Variants in WFDC1 observed in about 807,000 individuals in gnomAD.
WFDC1 encodes the protein WAP four-disulfide core domain 1, also known as WAP four-disulfide core domain protein 1.
Under a neutral mutation model 32.9 loss-of-function variants are expected in WFDC1, and 39 were observed. The observed-to-expected ratio is 1.19, with a 90% CI of 0.92 to 1.55. The LOEUF is 1.55. Ranked by LOEUF, WFDC1 falls within the 40% of genes most tolerant of loss-of-function variation. The pLI, the probability that WFDC1 is intolerant of heterozygous loss-of-function variation, is 0.00. For synonymous variants in WFDC1, 184 were observed against 137.4 expected, an observed-to-expected ratio of 1.34 and a Z score of -2.37; for missense variants, 386 against 309.5, an observed-to-expected ratio of 1.25 and a Z score of -1.85.
intron 1 of WFDC1, among the ~76,000 whole-genome samples, chr16:84,301,432 C>T (rs1906927091): frequency 1.3e-5 from 2 of 152,154 alleles, no homozygotes; most frequent in Non-Finnish European, 2.9e-5. Context: ...ACAAGTGGGG[C>T]TATCACTATA....
At chr16:84,322,748 A>T (rs1261489098) in intron 4 of WFDC1, among the ~76,000 whole-genome samples, 1 of 152,244 alleles carries the variant, frequency 6.6e-6, no homozygotes, top group East Asian at 1.9e-4. Context: ...AGGAAAATGA[A>T]CACTGACATG....
chr16:84,322,589 A>T (rs1247099310), intron 4 of WFDC1, among the ~76,000 whole-genome samples: 1 of 152,108 alleles, frequency 6.6e-6, no homozygotes, highest in East Asian at 1.9e-4. Context: ...ATTTTTCTGG[A>T]CCATTTGAGA....
chr16:84,302,240 C>T (rs1317185245), intron 1 of WFDC1, among the ~76,000 whole-genome samples: 3 of 152,104 alleles, frequency 2.0e-5, no homozygotes, highest in Admixed American at 6.5e-5. Flanking sequence ...CTGATGAGAA[C>T]AGAGGTTCTG....
intron 1 of WFDC1, among the ~76,000 whole-genome samples, chr16:84,300,333 C>T (rs377746954): frequency 3.3e-5 from 5 of 152,226 alleles, no homozygotes; most frequent in Admixed American, 2.6e-4. Context: ...GTGTTCCACA[C>T]GGTTTCTCCA....
rs1256792299 is a variant in WFDC1 at position 84,329,502 on chromosome 16, C to T, written c.*196C>T. ...CCTGGTTGGGTGACTTTGTGGGAGC[C>T]ACTTAACAGCTCTGGGTCCCTGTTT... On this transcript the variant is annotated 3_prime_UTR_variant, in exon 7 of 7. Transcript: ENST00000219454. 1 of 152,116 alleles carries T rather than the reference C, an allele frequency of 6.6e-6. No individual in the cohort carries two copies. The highest frequency in any genetic ancestry group is 2.4e-5 in the African/African-American group (1 of 41,422). 9.4% of individuals were successfully genotyped at this position (152,116 alleles called of 1,614,324 possible). A position where few individuals can be genotyped will look rare whatever the true frequency, so the allele number is the denominator to read the frequency against.
intron 5 of WFDC1, 186 bp from the exon 6 acceptor site, chr16:84,326,696 T>G: frequency 1.6e-6 from 1 of 621,392 alleles, no homozygotes; most frequent in Non-Finnish European, 2.9e-6. Context: ...ACAGAGCTGG[T>G]GACACCAGCT....
chr16:84,326,709 G>A (rs548665280), intron 5 of WFDC1, 173 bp from the exon 6 acceptor site: 53 of 655,548 alleles, frequency 8.1e-5, no homozygotes, highest in African/African-American at 7.9e-4. Context: ...CACCAGCTGG[G>A]GGGCCTGGGG....
chr16:84,318,111 C>G, intron 2 of WFDC1, 161 bp from the exon 3 acceptor site: 1 of 656,274 alleles, frequency 1.5e-6, no homozygotes. Flanking sequence ...GTGAAAGGTT[C>G]TATCACTAAA....
intron 1 of WFDC1, among the ~76,000 whole-genome samples, chr16:84,297,799 G>A (rs1023729258): frequency 2.6e-5 from 4 of 152,154 alleles, no homozygotes; most frequent in African/African-American, 9.6e-5. Context: ...CCCTTCTCTG[G>A]TCCTCAGTCC....
intron 1 of WFDC1, chr16:84,296,915 T>C (rs915031125): frequency 2.6e-5 from 4 of 152,058 alleles, no homozygotes; most frequent in African/African-American, 4.8e-5. Context: ...AGGGGAGGCA[T>C]TGAGGAGGGG....
chr16:84,295,096 G>T lies in WFDC1; in HGVS notation c.125G>T (p.Arg42Met), dbSNP rs1402028792. ...KNIWKRALPA[R>M]LAEKSRAEEA... Reference sequence around the variant, plus strand: ...ATCTGGAAACGGGCATTGCCTGCGAGGCTGGCCGAGAAATCCCGTGTAAGT... The same window carrying T: ...ATCTGGAAACGGGCATTGCCTGCGATGCTGGCCGAGAAATCCCGTGTAAGT... Residue 42 changes from arginine (R) to methionine (M), a missense_variant, in exon 1 of 7, where the codon AGG (arginine) becomes ATG (methionine). Arg to Met is a moderately conservative substitution (Grantham distance 91, BLOSUM62 -1). Transcript: ENST00000219454. 2.5e-6 allele frequency: 4 copies of T among 1,613,988 alleles called. No homozygotes were observed. The highest frequency in any genetic ancestry group is 3.4e-6 in the Non-Finnish European group (4 of 1,179,980).
At chr16:84,307,677 A>G (rs1031999410) in intron 1 of WFDC1, among the ~76,000 whole-genome samples, 2 of 152,146 alleles carry the variant, frequency 1.3e-5, no homozygotes, top group African/African-American at 4.8e-5. Context: ...TTCATCGAAA[A>G]ATAAGCTGGG....
intron 1 of WFDC1, among the ~76,000 whole-genome samples, chr16:84,305,029 C>G (rs1436500554): frequency 6.6e-6 from 1 of 152,058 alleles, no homozygotes; most frequent in Non-Finnish European, 1.5e-5. Context: ...AGTCCTGCCT[C>G]TGACTCTTCT....
In WFDC1 at chr16:84,327,034, G is replaced by A. The variant is rs1234986554; in HGVS notation, c.*15+79G>A. ...TCCTGGCAGCTTTCACCACCAGGTTGAGGAGCAGGAGGGTGAGAGTAGCGC... is the reference window on the plus strand; with the variant it reads ...TCCTGGCAGCTTTCACCACCAGGTTAAGGAGCAGGAGGGTGAGAGTAGCGC... On this transcript the variant is annotated intron_variant, in intron 6 of 6. Coordinates refer to ENST00000219454, the MANE Select transcript of WFDC1 (RefSeq NM_021197.4). 2.1e-6 allele frequency: 3 copies of A among 1,415,984 alleles called. No homozygotes were observed. The African/African-American group carries it at 4.2e-5, about 20-fold the overall frequency. 87.7% of individuals were successfully genotyped at this position (1,415,984 alleles called of 1,614,324 possible). A position where few individuals can be genotyped will look rare whatever the true frequency, so the allele number is the denominator to read the frequency against.
At position 84,294,926 on chromosome 16, in the gene WFDC1, G is replaced by A; in HGVS notation, c.-46G>A. 6.3e-7 allele frequency: 1 copy of A among 1,586,744 alleles called. No homozygotes were observed. Among genetic ancestry groups the A allele is most frequent in the Non-Finnish European group, 8.6e-7 (1 of 1,166,096 alleles). ...ACTCACAGGCCCACGCAGCGAGGGG[G>A]GCCCCTCTTCTGTGTGCGTCTGGAA... On this transcript the variant is annotated 5_prime_UTR_variant, in exon 1 of 7. Coordinates refer to ENST00000219454, the MANE Select transcript of WFDC1 (RefSeq NM_021197.4).
At chr16:84,322,887 T>C (rs1326503478) in intron 4 of WFDC1, among the ~76,000 whole-genome samples, 1 of 152,138 alleles carries the variant, frequency 6.6e-6, no homozygotes, top group African/African-American at 2.4e-5. Context: ...AGACACTGCT[T>C]GAGAAGAATG....
At chr16:84,326,731 G>A in intron 5 of WFDC1, 151 bp from the exon 6 acceptor site, 2 of 762,830 alleles carry the variant, frequency 2.6e-6, no homozygotes, top group South Asian at 1.6e-5. Flanking sequence ...GGGAGAGGAG[G>A]CACTGCAGGT....
chr16:84,304,977 C>A (rs1251299407), intron 1 of WFDC1, among the ~76,000 whole-genome samples: 1 of 152,214 alleles, frequency 6.6e-6, no homozygotes, highest in Non-Finnish European at 1.5e-5. Context: ...TTCCAGGCTC[C>A]TGGGTCAGGA....
At chr16:84,313,186 G>A (rs1378354728) in intron 2 of WFDC1, 33 bp downstream of exon 2, 1 of 1,394,724 alleles carries the variant, frequency 7.2e-7, no homozygotes, top group South Asian at 1.6e-5. Context: ...GGGGCTGAGG[G>A]AGGAGGACAG....
Sources: gnomAD v4.1 joint callset for allele counts (sites outside exome capture counted in the v4.1 genomes callset) on GRCh38, gnomAD v4.1.1 for gene constraint, MANE v1.5 for transcripts, NCBI Gene and HGNC (gene_info 2026-07-23, HGNC 2026-07-21) for gene names.